The following ROBO1 variants were observed in gnomAD, a reference collection of about 807,000 sequenced individuals.
The protein encoded by ROBO1 is roundabout guidance receptor 1, also known as roundabout homolog 1.
A neutral mutation model predicts 195.9 loss-of-function variants in ROBO1; 149 were observed. That is an observed-to-expected ratio of 0.76 (90% CI 0.67 to 0.87). The LOEUF is 0.87. Among genes scored for constraint, ROBO1 ranks in the 40% least tolerant of loss-of-function variants. The pLI is 0.00. For synonymous variants in ROBO1, 816 were observed against 733.2 expected (o/e 1.11, Z -1.82); for missense variants, 1,933 against 2,068.3 (o/e 0.93, Z 1.27).
intron 28 of ROBO1, among the ~76,000 whole-genome samples, chr3:78,608,865 A>G (rs1703623402): frequency 6.6e-6 from 1 of 152,194 alleles, no homozygotes; most frequent in Non-Finnish European, 1.5e-5. Context: ...TGAAAAGAAC[A>G]TCACTGAAGG....
chr3:78,639,995 C>A lies in ROBO1; in HGVS notation c.2883-97G>T, dbSNP rs537200904. The A allele has an allele frequency of 6.7e-5, 66 of 991,658 alleles. 1 individual carries two copies. The South Asian group carries it at 7.8e-4, about 12-fold the overall frequency. 61.4% of individuals were successfully genotyped at this position (991,658 alleles called of 1,614,324 possible). A position where few individuals can be genotyped will look rare whatever the true frequency, so the allele number is the denominator to read the frequency against. The stretch of plus-strand genomic sequence containing the variant: ...TAAATTCCTCATCTTGTTATGCTCA[C>A]AAATCATCTGATGAACTATGCTGAA... On this transcript the variant is annotated intron_variant, in intron 21 of 30. Transcript: ENST00000464233.
At chr3:79,083,093 A>C (rs2079304515) in intron 3 of ROBO1, among the ~76,000 whole-genome samples, 1 of 152,064 alleles carries the variant, frequency 6.6e-6, no homozygotes, top group Non-Finnish European at 1.5e-5. Flanking sequence ...GCTAGTCGGG[A>C]GGCTGAGGTG....
chr3:79,666,058 T>C (rs866139926), intron 1 of ROBO1, among the ~76,000 whole-genome samples: 1 of 151,966 alleles, frequency 6.6e-6, no homozygotes. Flanking sequence ...TTTCAGTATA[T>C]GAAAATGTGG....
chr3:79,376,031 T>C (rs1006286860), intron 2 of ROBO1, among the ~76,000 whole-genome samples: 1 of 152,334 alleles, frequency 6.6e-6, no homozygotes, highest in East Asian at 1.9e-4. Context: ...ATCTACATTG[T>C]ACATCATTTC....
intron 1 of ROBO1, among the ~76,000 whole-genome samples, chr3:79,751,003 A>AAAT (rs1704107713): frequency 6.6e-6 from 1 of 152,188 alleles, no homozygotes; most frequent in Admixed American, 6.5e-5. Flanking sequence ...AATTACTTTA[A>AAAT]AATAAATAAT....
intron 3 of ROBO1, among the ~76,000 whole-genome samples, chr3:78,982,911 A>G (rs1462422544): frequency 6.6e-6 from 1 of 151,366 alleles, no homozygotes; most frequent in African/African-American, 2.4e-5. Flanking sequence ...GAGACACCAC[A>G]TCTTTTTTTT....
chr3:78,993,836 G>T (rs1342334461), intron 3 of ROBO1, among the ~76,000 whole-genome samples: 1 of 152,004 alleles, frequency 6.6e-6, no homozygotes, highest in African/African-American at 2.4e-5. Flanking sequence ...TTTAAAGTTT[G>T]CATCAAAATC....
intron 2 of ROBO1, among the ~76,000 whole-genome samples, chr3:79,443,524 G>T (rs948747825): frequency 2.0e-5 from 3 of 152,008 alleles, no homozygotes; most frequent in African/African-American, 7.2e-5. Context: ...TGAAAATTTT[G>T]CTTTATAGAA....
chr3:79,564,616 T>C (rs1447352790), intron 2 of ROBO1, among the ~76,000 whole-genome samples: 1 of 152,100 alleles, frequency 6.6e-6, no homozygotes, highest in Non-Finnish European at 1.5e-5. Context: ...ATTATTTTTG[T>C]TATAATTTTG....
chr3:79,422,187 A>G (rs2038253924), intron 2 of ROBO1, among the ~76,000 whole-genome samples: 1 of 148,418 alleles, frequency 6.7e-6, no homozygotes. Context: ...TATATATTAT[A>G]TTATATATTT....
chr3:79,080,573 G>T (rs1357304998), intron 3 of ROBO1, among the ~76,000 whole-genome samples: 1 of 151,904 alleles, frequency 6.6e-6, no homozygotes, highest in Admixed American at 6.6e-5. Context: ...GCATAAAAAT[G>T]CATAAAAATG....
At chr3:79,508,709 C>CT (rs1940542468) in intron 2 of ROBO1, among the ~76,000 whole-genome samples, 2 of 152,122 alleles carry the variant, frequency 1.3e-5, no homozygotes, top group Admixed American at 1.3e-4. Context: ...CTAATTATCT[C>CT]TGAGAAAAAA....
intron 2 of ROBO1, among the ~76,000 whole-genome samples, chr3:79,360,381 A>T (rs1429922729): frequency 6.6e-6 from 1 of 152,024 alleles, no homozygotes; most frequent in Non-Finnish European, 1.5e-5. Context: ...TGTTGACATT[A>T]GTTGATAAAA....
At chr3:79,063,222 T>C (rs764591350) in intron 3 of ROBO1, among the ~76,000 whole-genome samples, 10 of 151,912 alleles carry the variant, frequency 6.6e-5, no homozygotes, top group Non-Finnish European at 1.3e-4. Context: ...CCTTGAGGTA[T>C]AGTTTTCTGA....
intron 2 of ROBO1, among the ~76,000 whole-genome samples, chr3:79,190,504 A>T (rs1381845599): frequency 6.6e-6 from 1 of 151,544 alleles, no homozygotes; most frequent in East Asian, 1.9e-4. Context: ...AGAAGGGTAG[A>T]TTACTCTTAC....
chr3:79,154,762 G>T (rs911621148), intron 2 of ROBO1, among the ~76,000 whole-genome samples: 7 of 151,708 alleles, frequency 4.6e-5, no homozygotes, highest in Non-Finnish European at 1.0e-4. Flanking sequence ...CTGTAAGGAG[G>T]CTGAATAACA....
chr3:79,227,482 C>T (rs1447023739), intron 2 of ROBO1, among the ~76,000 whole-genome samples: 1 of 152,140 alleles, frequency 6.6e-6, no homozygotes, highest in African/African-American at 2.4e-5. Context: ...GAGAATATGT[C>T]CCAGCCAAAC....
intron 1 of ROBO1, among the ~76,000 whole-genome samples, chr3:79,617,997 T>G (rs1465459582): frequency 6.7e-6 from 1 of 149,804 alleles, no homozygotes; most frequent in Non-Finnish European, 1.5e-5. Context: ...AGCTTAAAAC[T>G]AGGTTAGATC....
At chr3:79,758,730 T>G (rs780095739) in intron 1 of ROBO1, among the ~76,000 whole-genome samples, 1 of 152,140 alleles carries the variant, frequency 6.6e-6, no homozygotes, top group Non-Finnish European at 1.5e-5. Flanking sequence ...TACCTTGTAT[T>G]GTAAGGCAGA....
Sources: allele counts gnomAD v4.1 joint callset (sites outside exome capture counted in the v4.1 genomes callset), GRCh38; gene constraint gnomAD v4.1.1; transcripts MANE v1.5; gene names NCBI Gene and HGNC (gene_info 2026-07-23, HGNC 2026-07-21).